The following STK4 variants were observed in gnomAD, a reference collection of about 807,000 sequenced individuals.
STK4 encodes the protein serine/threonine-protein kinase 4.
Under a neutral mutation model 64.9 loss-of-function variants are expected in STK4, and 30 were observed. The observed-to-expected ratio is 0.46, with a 90% CI of 0.35 to 0.63. The LOEUF (loss-of-function observed/expected upper bound fraction) is 0.63. Among genes scored for constraint, STK4 ranks in the 20% least tolerant of loss-of-function variants. The pLI is 0.01. For missense variants in STK4, 466 were observed against 598.5 expected (o/e 0.78, Z 2.31); for synonymous variants, 177 against 199.0 (o/e 0.89, Z 0.93).
intron 5 of STK4, among the ~76,000 whole-genome samples, chr20:44,989,712 G>T (rs993040511): frequency 6.6e-6 from 1 of 152,098 alleles, no homozygotes; most frequent in Admixed American, 6.6e-5. Context: ...AGTGTTTAAT[G>T]GTTCTAGCTC....
At chr20:45,069,859 A>G (rs1979904538) in intron 10 of STK4, among the ~76,000 whole-genome samples, 1 of 152,266 alleles carries the variant, frequency 6.6e-6, no homozygotes, top group South Asian at 2.1e-4. Context: ...AAGAGAGACA[A>G]GTAAAAGAAA....
intron 10 of STK4, among the ~76,000 whole-genome samples, chr20:45,045,365 A>G (rs1467445820): frequency 1.3e-5 from 2 of 152,216 alleles, no homozygotes; most frequent in Non-Finnish European, 2.9e-5. Context: ...TGCCAGAATC[A>G]GGTCTGGAAC....
intron 6 of STK4, among the ~76,000 whole-genome samples, chr20:44,996,268 C>T (rs557200535): frequency 6.6e-6 from 1 of 152,258 alleles, no homozygotes; most frequent in East Asian, 1.9e-4. Flanking sequence ...CCAGTGCTCA[C>T]ACCCTAAGCA....
chr20:44,972,080 A>C lies in STK4; in HGVS notation c.38A>C (p.Gln13Pro), dbSNP rs1365819917. Reference sequence around the variant, plus strand: ...TGTTTATATTTCTTTATTCACAGGCAGCTGAAAAAGTTGGATGAAGATAGT... The same window carrying C: ...TGTTTATATTTCTTTATTCACAGGCCGCTGAAAAAGTTGGATGAAGATAGT... ...TVQLRNPPRR[Q>P]LKKLDEDSLT... Residue 13 changes from glutamine (Q) to proline (P), a missense_variant and splice_region_variant, in exon 2 of 11, where the codon CAG becomes CCG. Physicochemically the swap from Gln to Pro is moderately conservative, Grantham distance 76. Around this residue, in one of 2 missense-constraint regions of STK4, gnomAD observed 190 missense variants for 289.7 expected, o/e 0.66. Coordinates refer to ENST00000372806, the MANE Select transcript of STK4 (RefSeq NM_006282.5). 6.2e-7 allele frequency: 1 copy of C among 1,613,640 alleles called. No individual in the cohort carries two copies. The highest frequency in any genetic ancestry group is 1.7e-5 in the Admixed American group (1 of 59,960).
At chr20:45,047,974 T>A (rs6094086) in intron 10 of STK4, among the ~76,000 whole-genome samples, 10,220 of 152,260 alleles carry the variant, frequency 0.067, 1,127 homozygotes, top group African/African-American at 0.23. Flanking sequence ...TTTGCCAATT[T>A]AAAAAATGCA....
At chr20:45,021,736 C>G (rs2068251763) in intron 9 of STK4, among the ~76,000 whole-genome samples, 1 of 152,226 alleles carries the variant, frequency 6.6e-6, no homozygotes, top group African/African-American at 2.4e-5. Context: ...TGAGTCTTAA[C>G]TATTTTTCAC....
chr20:45,066,065 T>TA (rs1162520698), intron 10 of STK4, among the ~76,000 whole-genome samples: 2 of 152,138 alleles, frequency 1.3e-5, no homozygotes, highest in Non-Finnish European at 2.9e-5. Context: ...GTTTATCTCT[T>TA]ACTGTGCCTA....
At chr20:45,072,752 T>A (rs1032783895) in intron 10 of STK4, among the ~76,000 whole-genome samples, 3 of 152,234 alleles carry the variant, frequency 2.0e-5, no homozygotes, top group African/African-American at 7.2e-5. Context: ...ACATGTTTGA[T>A]TCTAGCTTGA....
intron 4 of STK4, among the ~76,000 whole-genome samples, chr20:44,985,772 T>TG (rs1301689493): frequency 6.6e-6 from 1 of 152,232 alleles, no homozygotes; most frequent in Non-Finnish European, 1.5e-5. Flanking sequence ...TTTTATAGAT[T>TG]GGGAAACAGG....
chr20:44,966,656 G>A (rs1036660070), intron 1 of STK4, 53 bp downstream of exon 1: 41 of 1,260,834 alleles, frequency 3.3e-5, no homozygotes, highest in Non-Finnish European at 1.3e-5. Flanking sequence ...AAGAAAAGGC[G>A]GGAACTGGTT....
At chr20:44,978,305 C>A in intron 2 of STK4, 138 bp from the exon 3 acceptor site, 1 of 1,022,708 alleles carries the variant, frequency 9.8e-7, no homozygotes, top group Non-Finnish European at 1.3e-6. Context: ...AGTATTTTAG[C>A]TATCTTAGTT....
At position 44,966,612 on chromosome 20, in the gene STK4, C is replaced by T. The variant is rs778205561; in HGVS notation, c.35+9C>T. ...AGGAACCCGCCGCGCCGGTGAGGGG[C>T]CACTGGCTAAGAGGACGGGCATGGG... On this transcript the variant is annotated intron_variant, in intron 1 of 10. Coordinates refer to ENST00000372806, the MANE Select transcript of STK4 (RefSeq NM_006282.5). The T allele has an allele frequency of 5.1e-5, 65 of 1,273,446 alleles. No individual in the cohort carries two copies. The highest frequency in any genetic ancestry group is 5.9e-5 in the Non-Finnish European group (59 of 1,001,410). 78.9% of individuals were successfully genotyped at this position (1,273,446 alleles called of 1,614,324 possible).
At chr20:44,966,657 G>T in intron 1 of STK4, 54 bp downstream of exon 1, 1 of 1,260,720 alleles carries the variant, frequency 7.9e-7, no homozygotes, top group Non-Finnish European at 1.0e-6. Context: ...AGAAAAGGCG[G>T]GAACTGGTTG....
intron 2 of STK4, among the ~76,000 whole-genome samples, chr20:44,977,089 C>T (rs1462473743): frequency 1.3e-5 from 2 of 152,192 alleles, no homozygotes; most frequent in Non-Finnish European, 2.9e-5. Flanking sequence ...CATGGTATAT[C>T]TCCTGGGACG....
chr20:45,000,596 G>C (rs1301161733), intron 8 of STK4, 76 bp downstream of exon 8: 6 of 1,588,410 alleles, frequency 3.8e-6, no homozygotes, highest in Non-Finnish European at 4.3e-6. Context: ...GGTAAGATGA[G>C]TAGGAGGTAT....
At chr20:45,057,458 G>A (rs1044585018) in intron 10 of STK4, among the ~76,000 whole-genome samples, 1 of 152,182 alleles carries the variant, frequency 6.6e-6, no homozygotes, top group South Asian at 2.1e-4. Context: ...AAGAGTTTAT[G>A]AAAATTAGAA....
intron 9 of STK4, among the ~76,000 whole-genome samples, chr20:45,009,845 G>A (rs1267908857): frequency 3.9e-5 from 6 of 152,084 alleles, no homozygotes. Context: ...CATTGTTTGT[G>A]TATAGAAATG....
chr20:45,072,069 C>A (rs1980117622), intron 10 of STK4, among the ~76,000 whole-genome samples: 1 of 152,156 alleles, frequency 6.6e-6, no homozygotes, highest in African/African-American at 2.4e-5. Flanking sequence ...AGCGTGAATA[C>A]CTTCTTCAAA....
intron 3 of STK4, among the ~76,000 whole-genome samples, chr20:44,979,451 C>T (rs1421416328): frequency 1.3e-5 from 2 of 152,190 alleles, no homozygotes; most frequent in Admixed American, 6.5e-5. Context: ...CAGAAAACCA[C>T]GTGGTTTGCT....
Sources: gnomAD v4.1 joint callset for allele counts (sites outside exome capture counted in the v4.1 genomes callset) on GRCh38, gnomAD v4.1.1 for gene constraint, gnomAD v4.1.1 regional missense constraint, MANE v1.5 for transcripts, NCBI Gene and HGNC (gene_info 2026-07-23, HGNC 2026-07-21) for gene names.